UBAC2: variants seen among roughly 807,000 people sequenced by gnomAD.
UBAC2 encodes ubiquitin-associated domain-containing protein 2.
In UBAC2, 26 loss-of-function variants were observed where a neutral mutation model predicts 44.0. The observed-to-expected ratio is 0.59, with a 90% CI of 0.43 to 0.82. The LOEUF (loss-of-function observed/expected upper bound fraction) is 0.82, where lower values mean the gene tolerates loss of function less well. UBAC2 is among the 40% of genes least tolerant of loss of function. UBAC2 has a pLI of 0.00. For missense variants in UBAC2, 329 were observed against 419.4 expected (o/e 0.78, Z 1.88); for synonymous variants, 155 against 154.3 (o/e 1.00, Z -0.04).
At chr13:99,210,617 A>G (rs1263528245) in intron 1 of UBAC2, among the ~76,000 whole-genome samples, 1 of 151,484 alleles carries the variant, frequency 6.6e-6, no homozygotes, top group Non-Finnish European at 1.5e-5. Flanking sequence ...AGCTGGGATT[A>G]TAGGCATGCA....
intron 4 of UBAC2, among the ~76,000 whole-genome samples, chr13:99,261,287 C>G (rs2043657654): frequency 6.6e-6 from 1 of 152,326 alleles, no homozygotes; most frequent in South Asian, 2.1e-4. Flanking sequence ...GAGGCCTATC[C>G]TTTGGCCTTG....
chr13:99,214,999 T>C (rs991024213), intron 1 of UBAC2, among the ~76,000 whole-genome samples: 7 of 151,950 alleles, frequency 4.6e-5, no homozygotes, highest in East Asian at 1.9e-4. Context: ...TTTTTTTTTT[T>C]CTTGGGGGAT....
At position 99,385,925 on chromosome 13, in the gene UBAC2, T is replaced by G. The variant is rs948633606; in HGVS notation, c.*590T>G. ...AAGAATGGTGATAACCATGCACTGG[T>G]TCAAGGTTCTGGAGTTCTCCATGAA... On this transcript the variant is annotated 3_prime_UTR_variant, in exon 9 of 9. Transcript: ENST00000403766. 1 of 153,486 alleles carries G rather than the reference T, an allele frequency of 6.5e-6. No individual in the cohort carries two copies. Among genetic ancestry groups the G allele is most frequent in the African/African-American group, 2.4e-5 (1 of 41,470 alleles). The allele number at this position is 153,486 out of a possible 1,614,324, so 9.5% of individuals were successfully genotyped here. A position where few individuals can be genotyped will look rare whatever the true frequency, so the allele number is the denominator to read the frequency against.
In UBAC2 at chr13:99,340,409, A is replaced by C; in HGVS notation, c.651A>C (p.Thr217=). ...PSWMAKFFSW[T]LEPIFSSSEP... ...GGATGGCAAAATTCTTTTCTTGGACACTTGAACCCATCTTCTCTTCTTCAG... is the reference window on the plus strand; with the variant it reads ...GGATGGCAAAATTCTTTTCTTGGACCCTTGAACCCATCTTCTCTTCTTCAG... Residue 217 remains threonine, a synonymous_variant, in exon 7 of 9, where the codon ACA becomes ACC. Coordinates refer to ENST00000403766, the MANE Select transcript of UBAC2 (RefSeq NM_001144072.2). The C allele has an allele frequency of 6.2e-7, 1 of 1,614,222 alleles. No homozygotes were observed. The highest frequency in any genetic ancestry group is 8.5e-7 in the Non-Finnish European group (1 of 1,180,050).
chr13:99,375,801 C>CTTTTTTTT (rs34318354), intron 8 of UBAC2, among the ~76,000 whole-genome samples: 24 of 110,886 alleles, frequency 2.2e-4, no homozygotes, highest in African/African-American at 3.0e-4. Flanking sequence ...TCCTTTTTCC[C>CTTTTTTTT]TTTTTTTTTT....
chr13:99,247,399 A>T (rs1402139561), intron 4 of UBAC2, among the ~76,000 whole-genome samples: 2 of 151,558 alleles, frequency 1.3e-5, no homozygotes, highest in Non-Finnish European at 2.9e-5. Flanking sequence ...TATTTTTAGT[A>T]GAGACGGGGT....
intron 4 of UBAC2, among the ~76,000 whole-genome samples, chr13:99,281,377 T>A (rs1479769442): frequency 1.3e-5 from 2 of 152,054 alleles, no homozygotes; most frequent in Non-Finnish European, 2.9e-5. Flanking sequence ...TCACAAGATA[T>A]CTCCTTTCTC....
At chr13:99,303,768 A>G (rs1028848953) in intron 4 of UBAC2, among the ~76,000 whole-genome samples, 6 of 152,134 alleles carry the variant, frequency 3.9e-5, no homozygotes, top group Non-Finnish European at 8.8e-5. Flanking sequence ...CTCTTATCAG[A>G]TGGAAATTAG....
intron 7 of UBAC2, among the ~76,000 whole-genome samples, chr13:99,345,981 T>G (rs2390240): frequency 6.6e-6 from 1 of 152,076 alleles, no homozygotes; most frequent in Admixed American, 6.5e-5. Context: ...GACCTCATGA[T>G]CCACTTGCCT....
intron 7 of UBAC2, among the ~76,000 whole-genome samples, chr13:99,356,775 ATT>A (rs1165478791): frequency 6.6e-6 from 1 of 152,192 alleles, no homozygotes; most frequent in Non-Finnish European, 1.5e-5. Context: ...TAAGGTTCCT[ATT>A]TTTAAGACTT....
chr13:99,267,112 T>G (rs2043754086), intron 4 of UBAC2, among the ~76,000 whole-genome samples: 2 of 152,124 alleles, frequency 1.3e-5, no homozygotes, highest in Admixed American at 1.3e-4. Context: ...CATTTCCATT[T>G]CCGATGATGA....
In UBAC2 at chr13:99,295,205, C is replaced by G; in HGVS notation, c.390-18892C>G. 1 of 1,614,074 alleles carries G rather than the reference C, an allele frequency of 6.2e-7. No homozygotes were observed. The highest frequency in any genetic ancestry group is 8.5e-7 in the Non-Finnish European group (1 of 1,179,998). On this transcript the variant is annotated intron_variant, in intron 4 of 8. Coordinates refer to ENST00000403766, the MANE Select transcript of UBAC2 (RefSeq NM_001144072.2). The surrounding 1 kb of genome is among the most constrained non-coding windows in gnomAD (Gnocchi z 4.1). ...CATCCTCATAACCTTTCTCTTATAC[C>G]CTTTACATGCAAAGAAGTAGATAAA...
rs1406885768 is a variant in UBAC2 at position 99,343,612 on chromosome 13, T to C, written c.807+3047T>C. On this transcript the variant is annotated intron_variant, in intron 7 of 8. Coordinates refer to ENST00000403766, the MANE Select transcript of UBAC2 (RefSeq NM_001144072.2). Reference sequence around the variant, plus strand: ...ACCAGCCCCTGGGCTCTTGCTGGGCTTTTACGTTGAGTGGTCTGCTGGGCA... The same window carrying C: ...ACCAGCCCCTGGGCTCTTGCTGGGCCTTTACGTTGAGTGGTCTGCTGGGCA... Among the ~76,000 whole-genome samples the C allele has an allele frequency of 3.9e-5, 6 of 152,332 alleles. No homozygotes were observed. The East Asian group carries it at 1.2e-3, about 29-fold the overall frequency.
At chr13:99,231,693 G>C (rs1316254324) in intron 1 of UBAC2, among the ~76,000 whole-genome samples, 1 of 151,834 alleles carries the variant, frequency 6.6e-6, no homozygotes, top group East Asian at 1.9e-4. Context: ...TTATAGATGT[G>C]AGCCACCACG....
chr13:99,290,190 A>C (rs2044070955), intron 4 of UBAC2, among the ~76,000 whole-genome samples: 1 of 152,190 alleles, frequency 6.6e-6, no homozygotes, highest in Non-Finnish European at 1.5e-5. Context: ...GCGACTGATA[A>C]ATAGAACAAG....
intron 1 of UBAC2, among the ~76,000 whole-genome samples, chr13:99,223,895 G>T (rs1022186777): frequency 2.0e-5 from 3 of 151,930 alleles, no homozygotes; most frequent in African/African-American, 7.3e-5. Context: ...ACTCTTTTAT[G>T]CCCAGAATAT....
chr13:99,215,285 A>G (rs115773909), intron 1 of UBAC2: 4 of 715,706 alleles, frequency 5.6e-6, no homozygotes, highest in Non-Finnish European at 1.0e-5. Flanking sequence ...TGTGTTTTTC[A>G]CAGAAATATA....
intron 6 of UBAC2, among the ~76,000 whole-genome samples, chr13:99,318,589 G>A (rs2044525190): frequency 1.3e-5 from 2 of 151,124 alleles, no homozygotes; most frequent in Admixed American, 1.3e-4. Flanking sequence ...GGGAGGCTGA[G>A]GCGGGCAGAT....
intron 4 of UBAC2, among the ~76,000 whole-genome samples, chr13:99,270,106 A>G (rs1241044611): frequency 6.6e-6 from 1 of 152,218 alleles, no homozygotes; most frequent in Admixed American, 6.5e-5. Context: ...CTATGATGTA[A>G]ACCTAAGAAT....
Sources: gnomAD v4.1 joint callset for allele counts (sites outside exome capture counted in the v4.1 genomes callset) on GRCh38, gnomAD v4.1.1 for gene constraint, Gnocchi (gnomAD v3.1) non-coding constraint, MANE v1.5 for transcripts, NCBI Gene and HGNC (gene_info 2026-07-23, HGNC 2026-07-21) for gene names.